SGK1: variants seen among roughly 807,000 people sequenced by gnomAD.
SGK1 encodes the protein serum/glucocorticoid regulated kinase 1, also known as serine/threonine-protein kinase Sgk1.
SGK1 carries 26 observed loss-of-function variants against 64.2 expected under a neutral mutation model. The ratio of observed to expected loss-of-function variants is 0.40; its 90% CI spans 0.30 to 0.56. The LOEUF (loss-of-function observed/expected upper bound fraction) is 0.56, where lower values mean the gene tolerates loss of function less well. Ranked by LOEUF, SGK1 falls within the 20% of genes least tolerant of loss-of-function variation. The pLI, the probability that SGK1 is intolerant of heterozygous loss-of-function variation, is 0.38. For missense variants in SGK1, 519 were observed against 645.6 expected (o/e 0.80, Z 2.12); for synonymous variants, 265 against 239.7 (o/e 1.11, Z -0.98).
intron 2 of SGK1, among the ~76,000 whole-genome samples, chr6:134,209,365 C>G (rs1294657567): frequency 6.6e-6 from 1 of 152,060 alleles, no homozygotes; most frequent in Admixed American, 6.6e-5. Context: ...ACCCGGGAGG[C>G]AGAGGCCGCA....
At chr6:134,174,812 AC>A in intron 3 of SGK1, 1 of 1,613,792 alleles carries the variant, frequency 6.2e-7, no homozygotes, top group South Asian at 1.1e-5. Flanking sequence ...CGTCATCACC[AC>A]CGCGGGGAGA....
At chr6:134,185,313 A>G (rs918392694) in intron 3 of SGK1, among the ~76,000 whole-genome samples, 1 of 152,202 alleles carries the variant, frequency 6.6e-6, no homozygotes, top group African/African-American at 2.4e-5. Context: ...ATGAACATTT[A>G]GCACAACCCC....
intron 1 of SGK1, among the ~76,000 whole-genome samples, chr6:134,280,048 A>G (rs966511743): frequency 1.3e-5 from 2 of 151,994 alleles, no homozygotes; most frequent in Non-Finnish European, 2.9e-5. Flanking sequence ...AAAAAAATAT[A>G]GCTGAGAATA....
intron 2 of SGK1, among the ~76,000 whole-genome samples, chr6:134,247,804 C>T (rs1014731575): frequency 1.3e-5 from 2 of 152,182 alleles, no homozygotes; most frequent in Non-Finnish European, 2.9e-5. Flanking sequence ...TAGATAATTT[C>T]AGCCTGTGCA....
At chr6:134,251,987 G>T (rs929603908) in intron 2 of SGK1, among the ~76,000 whole-genome samples, 1 of 152,088 alleles carries the variant, frequency 6.6e-6, no homozygotes, top group East Asian at 1.9e-4. Flanking sequence ...GAACTTCTGG[G>T]CTCAAGCGAT....
At chr6:134,276,199 T>C (rs1301624210) in intron 1 of SGK1, among the ~76,000 whole-genome samples, 2 of 152,198 alleles carry the variant, frequency 1.3e-5, no homozygotes, top group Non-Finnish European at 2.9e-5. Context: ...TGGTTGCTGA[T>C]TGGCTCCATG....
In SGK1 at chr6:134,171,347, C is replaced by CGTGTGTGTGTTTGTGTGTGT. The variant is rs959527267; in HGVS notation, c.1168-189_1168-170dup. ...CTATTTAAGTGTCTACTTTGCAACC[C>CGTGTGTGTGTTTGTGTGTGT]GTGTGTGTGTTTGTGTGTGTGTGTG... On this transcript the variant is annotated intron_variant, in intron 11 of 13. Coordinates refer to ENST00000367858, the MANE Select transcript of SGK1 (RefSeq NM_001143676.3). 2.8e-5 allele frequency: 19 copies of CGTGTGTGTGTTTGTGTGTGT among 682,252 alleles called. No homozygotes were observed. In the African/African-American group the frequency reaches 3.1e-4, roughly 11 times the overall value. The allele number at this position is 682,252 out of a possible 1,614,324, so 42.3% of individuals were successfully genotyped here. A position where few individuals can be genotyped will look rare whatever the true frequency, so the allele number is the denominator to read the frequency against.
chr6:134,206,371 ATATATATATATATTTTTTTTTTTTTT>A (rs1325811819), intron 3 of SGK1, among the ~76,000 whole-genome samples: 2 of 4,974 alleles, frequency 4.0e-4, no homozygotes, highest in African/African-American at 9.9e-4. Flanking sequence ...ATATATATAT[ATATATATATATATTTTTTTTTTTTTT>A]TTTTTTTTTT....
At chr6:134,238,873 G>A (rs997530142) in intron 2 of SGK1, among the ~76,000 whole-genome samples, 1 of 152,144 alleles carries the variant, frequency 6.6e-6, no homozygotes, top group South Asian at 2.1e-4. Flanking sequence ...TGGGACTTGA[G>A]AATTAGATCG....
At position 134,173,309 on chromosome 6, in the gene SGK1, CTT is replaced by C; in HGVS notation, c.665_666del (p.Lys222SerfsTer43). ...HKAEEVFYAV[K>X]VLQKKAILKK... ...TTCAGGATTGCTTTCTTCTGTAAAACTTTGACTGCATAGAACACTTCTTCTGC... is the reference window on the plus strand; with the variant it reads ...TTCAGGATTGCTTTCTTCTGTAAAACTGACTGCATAGAACACTTCTTCTGC... On this transcript the variant is annotated frameshift_variant, in exon 7 of 14. Coordinates refer to ENST00000367858, the MANE Select transcript of SGK1 (RefSeq NM_001143676.3). LOFTEE classifies it high-confidence loss of function. 6.2e-7 allele frequency: 1 copy of C among 1,613,962 alleles called. No homozygotes were observed. Among genetic ancestry groups the C allele is most frequent in the South Asian group, 1.1e-5 (1 of 91,082 alleles).
At chr6:134,272,177 G>A (rs1299469091) in intron 1 of SGK1, among the ~76,000 whole-genome samples, 3 of 131,626 alleles carry the variant, frequency 2.3e-5, no homozygotes, top group South Asian at 5.1e-4. Context: ...CTCTTGCTCT[G>A]TTGCCCAGGC....
intron 1 of SGK1, among the ~76,000 whole-genome samples, chr6:134,276,509 AC>A (rs1777019695): frequency 6.6e-6 from 1 of 152,214 alleles, no homozygotes; most frequent in Non-Finnish European, 1.5e-5. Context: ...ACATCAAATG[AC>A]TTGAATGTTT....
intron 2 of SGK1, among the ~76,000 whole-genome samples, chr6:134,230,145 T>G (rs1369332358): frequency 6.6e-6 from 1 of 152,132 alleles, no homozygotes; most frequent in Non-Finnish European, 1.5e-5. Context: ...GAGTTAGGCT[T>G]TACCCCTTGA....
chr6:134,236,093 C>T lies in SGK1; in HGVS notation c.285+25840G>A, dbSNP rs142795179. ...ATGATTCTATTAGTTCTTGACTTTT[C>T]TGTATATATTTTAATGTACAGTAAA... is the stretch of plus-strand genomic sequence containing the variant. On this transcript the variant is annotated intron_variant, in intron 2 of 13. Transcript: ENST00000367858. Among the ~76,000 whole-genome samples, 356 of 152,064 alleles carry T rather than the reference C, an allele frequency of 2.3e-3. 5 individuals are homozygous for T. Among genetic ancestry groups the T allele is most frequent in the African/African-American group, 8.2e-3 (340 of 41,458 alleles).
At chr6:134,175,393 C>T (rs892635193) in intron 3 of SGK1, 4 of 1,238,776 alleles carry the variant, frequency 3.2e-6, no homozygotes, top group African/African-American at 1.6e-5. Context: ...CCCTGGGGCG[C>T]AGGCCTGCGC....
At chr6:134,222,420 CT>C (rs1425048532) in intron 2 of SGK1, among the ~76,000 whole-genome samples, 7 of 151,644 alleles carry the variant, frequency 4.6e-5, no homozygotes, top group African/African-American at 1.7e-4. Flanking sequence ...ACTGGAACCT[CT>C]GCCTCCCAGG....
intron 2 of SGK1, among the ~76,000 whole-genome samples, chr6:134,222,780 C>G (rs1776110747): frequency 6.6e-6 from 1 of 152,112 alleles, no homozygotes; most frequent in African/African-American, 2.4e-5. Flanking sequence ...TGGATTTGTT[C>G]AAAAACTATG....
Position 134,186,977 on chromosome 6 carries a change from C to T in SGK1, c.362-12391G>A, listed in dbSNP as rs1171784927. ...GATTACAGGCACCCACCACTATGCC[C>T]GGCTAATTTTTGTATTTTAGTACAG... On this transcript the variant is annotated intron_variant, in intron 3 of 13. Transcript: ENST00000367858. Among the ~76,000 whole-genome samples, 6 of 151,882 alleles carry T rather than the reference C, an allele frequency of 4.0e-5. No individual in the cohort carries two copies. In the East Asian group the frequency reaches 5.8e-4, roughly 15 times the overall value.
At chr6:134,229,121 G>T (rs1776237817) in intron 2 of SGK1, among the ~76,000 whole-genome samples, 1 of 152,170 alleles carries the variant, frequency 6.6e-6, no homozygotes, top group Admixed American at 6.5e-5. Flanking sequence ...GTGAGCCACC[G>T]CGCCCAGCGC....
Sources: allele counts gnomAD v4.1 joint callset (sites outside exome capture counted in the v4.1 genomes callset), GRCh38; gene constraint gnomAD v4.1.1; transcripts MANE v1.5; gene names NCBI Gene and HGNC (gene_info 2026-07-23, HGNC 2026-07-21).